ACSBG2: variants seen among roughly 807,000 people sequenced by gnomAD.
ACSBG2 encodes the protein long-chain-fatty-acid--CoA ligase ACSBG2.
ACSBG2 carries 62 observed loss-of-function variants against 74.7 expected under a neutral mutation model. The observed-to-expected ratio is 0.83, with a 90% confidence interval of 0.68 to 1.03. The LOEUF (loss-of-function observed/expected upper bound fraction) is 1.03. Among genes scored for constraint, ACSBG2 ranks in the 50% least tolerant of loss-of-function variants. The probability of loss-of-function intolerance (pLI) is 0.00; values close to 1 mark genes in which losing one functional copy is unlikely to be tolerated. For missense variants in ACSBG2, 730 were observed against 817.6 expected (o/e 0.89, Z 1.31); for synonymous variants, 309 against 294.1 (o/e 1.05, Z -0.52).
intron 3 of ACSBG2, chr19:6,148,089 G>T: frequency 5.4e-6 from 1 of 183,850 alleles, no homozygotes; most frequent in South Asian, 1.0e-4. Context: ...CAGTTTCTGT[G>T]GATTGAGAAT....
At chr19:6,162,966 A>G (rs2089674952) in intron 6 of ACSBG2, among the ~76,000 whole-genome samples, 1 of 151,958 alleles carries the variant, frequency 6.6e-6, no homozygotes. Flanking sequence ...CTCCTCTGCA[A>G]GGGAGAGTAG....
At chr19:6,183,876 T>C (rs2090329351) in intron 10 of ACSBG2, among the ~76,000 whole-genome samples, 1 of 152,238 alleles carries the variant, frequency 6.6e-6, no homozygotes, top group South Asian at 2.1e-4. Context: ...CATAGATCAC[T>C]GTAACCTTGA....
At chr19:6,139,828 C>T (rs2088750342) in intron 1 of ACSBG2, among the ~76,000 whole-genome samples, 2 of 152,150 alleles carry the variant, frequency 1.3e-5, no homozygotes, top group Admixed American at 6.5e-5. Context: ...CCTGTAATCC[C>T]AGCACTTTGG....
intron 4 of ACSBG2, among the ~76,000 whole-genome samples, chr19:6,156,031 T>A (rs1568227913): frequency 6.6e-6 from 1 of 151,112 alleles, no homozygotes; most frequent in Non-Finnish European, 1.5e-5. Context: ...CATTGGGAAA[T>A]GCAAATTAAA....
intron 7 of ACSBG2, among the ~76,000 whole-genome samples, chr19:6,166,665 C>G (rs754110014): frequency 6.6e-6 from 1 of 151,250 alleles, no homozygotes; most frequent in African/African-American, 2.4e-5. Context: ...TTTTTGAGAC[C>G]GAGTCTGGCT....
In ACSBG2 at chr19:6,180,204, ACAAAGTC is replaced by A. The variant is rs1488434038; in HGVS notation, c.907-2545_907-2539del. Reference sequence around the variant, plus strand: ...CAAGATTCTTAACTTAATCCCATCTACAAAGTCCCTTTTGCCATGAAAGATTACATAT... The same window carrying A: ...CAAGATTCTTAACTTAATCCCATCTACCTTTTGCCATGAAAGATTACATAT... On this transcript the variant is annotated intron_variant, in intron 8 of 14. Transcript: ENST00000588485. The surrounding 1 kb of genome is among the most constrained non-coding windows in gnomAD (Gnocchi z 4.3). Among the ~76,000 whole-genome samples, 2 of 152,080 alleles carry A rather than the reference ACAAAGTC, an allele frequency of 1.3e-5. No individual in the cohort carries two copies. The highest frequency in any genetic ancestry group is 4.8e-5 in the African/African-American group (2 of 41,406).
intron 6 of ACSBG2, among the ~76,000 whole-genome samples, chr19:6,163,228 T>TAAC (rs371743445): frequency 2.0e-4 from 20 of 100,978 alleles, no homozygotes; most frequent in Admixed American, 2.5e-4. Flanking sequence ...GGCGGGCAGA[T>TAAC]CATGAGGTCA....
At chr19:6,161,156 C>G (rs2089596909) in intron 5 of ACSBG2, 59 bp from the exon 6 acceptor site, 3 of 1,445,470 alleles carry the variant, frequency 2.1e-6, no homozygotes, top group South Asian at 1.1e-5. Context: ...ACATCTAACC[C>G]AGCTTTAGTC....
In ACSBG2 at chr19:6,154,402, A is replaced by AAG. The variant is rs547084046; in HGVS notation, c.387-1999_387-1998dup. ...AACAAGAGCAAAACTCCGTCTCAAA[A>AAG]AGAGAGAGAGAGAGAGAGAGAGAGA... On this transcript the variant is annotated intron_variant, in intron 4 of 14. Transcript: ENST00000588485. Among the ~76,000 whole-genome samples the AAG allele has an allele frequency of 2.0e-3, 169 of 83,268 alleles. 1 individual carries two copies. Among genetic ancestry groups the AAG allele is most frequent in the African/African-American group, 3.8e-3 (95 of 24,884 alleles). 54.6% of individuals were successfully genotyped at this position (83,268 alleles called of 152,430 possible).
rs117846784 is a variant in ACSBG2, at chr19:6,168,541, G to A, written c.738+2526G>A. Among the ~76,000 whole-genome samples the A allele has an allele frequency of 1.3e-3, 205 of 152,266 alleles. 6 individuals carry two copies. In the East Asian group the frequency reaches 0.031, roughly 23 times the overall value. On this transcript the variant is annotated intron_variant, in intron 7 of 14. Transcript: ENST00000588485. ...ATTCACTACTGTAACTGCAGTGCCTGATGAGCAGGAGGACTCAATCCACTT... is the reference window on the plus strand; with the variant it reads ...ATTCACTACTGTAACTGCAGTGCCTAATGAGCAGGAGGACTCAATCCACTT...
intron 2 of ACSBG2, among the ~76,000 whole-genome samples, chr19:6,143,874 A>G (rs2088934968): frequency 2.0e-5 from 3 of 152,214 alleles, no homozygotes; most frequent in African/African-American, 7.2e-5. Context: ...TGCATCTCCA[A>G]TTCCTTTGTG....
intron 8 of ACSBG2, 107 bp downstream of exon 8, chr19:6,177,503 C>A: frequency 8.2e-7 from 1 of 1,213,264 alleles, no homozygotes; most frequent in Non-Finnish European, 1.1e-6. Flanking sequence ...AGCCCCATGT[C>A]TAACGGTTTT....
At chr19:6,158,459 T>C (rs2089498274) in intron 5 of ACSBG2, among the ~76,000 whole-genome samples, 3 of 151,600 alleles carry the variant, frequency 2.0e-5, no homozygotes, top group African/African-American at 4.9e-5. Context: ...TTTTTTTCAT[T>C]GTAGTGTCTT....
At chr19:6,189,076 C>G (rs1056215527) in intron 13 of ACSBG2, among the ~76,000 whole-genome samples, 2 of 152,104 alleles carry the variant, frequency 1.3e-5, no homozygotes, top group Non-Finnish European at 2.9e-5. Flanking sequence ...AGCAAACTGA[C>G]CTAATGATGA....
intron 14 of ACSBG2, chr19:6,191,689 A>C (rs1183821698): frequency 6.6e-6 from 1 of 152,134 alleles, no homozygotes; most frequent in Non-Finnish European, 1.5e-5. Context: ...CTAGTTTCCA[A>C]ATAAGTTACA....
At chr19:6,151,994 C>G (rs2089255685) in intron 4 of ACSBG2, among the ~76,000 whole-genome samples, 199 bp downstream of exon 4, 1 of 152,166 alleles carries the variant, frequency 6.6e-6, no homozygotes, top group Non-Finnish European at 1.5e-5. Flanking sequence ...AGTCTCAGAC[C>G]TCTCGATTTT....
intron 7 of ACSBG2, among the ~76,000 whole-genome samples, chr19:6,167,321 C>G (rs1041080663): frequency 6.6e-6 from 1 of 152,128 alleles, no homozygotes; most frequent in Non-Finnish European, 1.5e-5. Flanking sequence ...TCAGTTTGCC[C>G]AACTGTAAAA....
chr19:6,159,893 C>T (rs955044198), intron 5 of ACSBG2, among the ~76,000 whole-genome samples: 1 of 152,184 alleles, frequency 6.6e-6, no homozygotes, highest in Non-Finnish European at 1.5e-5. Context: ...CTGCCCCAGG[C>T]TCCTTGAATG....
At chr19:6,149,871 T>C (rs899293356) in intron 3 of ACSBG2, among the ~76,000 whole-genome samples, 2 of 144,248 alleles carry the variant, frequency 1.4e-5, no homozygotes, top group African/African-American at 2.8e-5. Context: ...CCACCACACC[T>C]GGCCTCAAGA....
Sources: gnomAD v4.1 joint callset for allele counts (sites outside exome capture counted in the v4.1 genomes callset) on GRCh38, gnomAD v4.1.1 for gene constraint, Gnocchi (gnomAD v3.1) non-coding constraint, MANE v1.5 for transcripts, NCBI Gene and HGNC (gene_info 2026-07-23, HGNC 2026-07-21) for gene names.